INSYN2A: variants seen among roughly 807,000 people sequenced by gnomAD.
INSYN2A encodes the protein inhibitory synaptic factor 2A.
A neutral mutation model predicts 39.4 loss-of-function variants in INSYN2A; 17 were observed. That is an observed-to-expected ratio of 0.43 (90% CI 0.30 to 0.65). The LOEUF (loss-of-function observed/expected upper bound fraction) is 0.65. Ranked by LOEUF, INSYN2A falls within the 30% of genes least tolerant of loss-of-function variation. The probability of loss-of-function intolerance (pLI) is 0.14; values close to 1 mark genes in which losing one functional copy is unlikely to be tolerated. For synonymous variants in INSYN2A, 255 were observed against 265.7 expected (o/e 0.96, Z 0.39); for missense variants, 595 against 631.2 (o/e 0.94, Z 0.61).
In INSYN2A at chr10:127,176,187, C is replaced by G. The variant is rs375404920; in HGVS notation, c.209G>C (p.Gly70Ala). The G allele has an allele frequency of 2.5e-6, 4 of 1,614,154 alleles. No homozygotes were observed. The highest frequency in any genetic ancestry group is 3.4e-6 in the Non-Finnish European group (4 of 1,180,032). Residue 70 changes from glycine (G) to alanine (A), a missense_variant, in exon 4 of 6, where the codon GGG (glycine) becomes GCG (alanine). Around this residue, in one of 2 missense-constraint regions of INSYN2A, gnomAD observed 478 missense variants for 467.4 expected, o/e 1.02. Coordinates refer to ENST00000522781, the MANE Select transcript of INSYN2A (RefSeq NM_001039762.3). The surrounding 1 kb of genome is among the most constrained non-coding windows in gnomAD (Gnocchi z 4.4). The part of the protein sequence containing the change: ...RDTQLSSGQL[G>A]EKREAKPVSC... ...CACGGGCTTGGCCTCCCGCTTCTCC[C>G]CCAGCTGGCCCGAGGACAGCTGTGT...
intron 2 of INSYN2A, among the ~76,000 whole-genome samples, chr10:127,191,238 T>C (rs1299983245): frequency 6.6e-6 from 1 of 152,136 alleles, no homozygotes; most frequent in East Asian, 1.9e-4. Flanking sequence ...CCTGGGAGTC[T>C]TTAGGCTCCT....
chr10:127,166,326 A>G (rs752459860), intron 4 of INSYN2A, among the ~76,000 whole-genome samples: 1 of 151,924 alleles, frequency 6.6e-6, no homozygotes, highest in Non-Finnish European at 1.5e-5. Context: ...CGGCCTCCCA[A>G]AGTGCTGGGA....
intron 5 of INSYN2A, among the ~76,000 whole-genome samples, chr10:127,142,529 C>G (rs1186353980): frequency 1.3e-5 from 2 of 152,178 alleles, no homozygotes; most frequent in Non-Finnish European, 2.9e-5. Flanking sequence ...TCTGAAGCAG[C>G]TGGAGCCAGG....
chr10:127,137,863 C>T lies in INSYN2A; in HGVS notation c.1414G>A (p.Gly472Arg), dbSNP rs751747001. Residue 472 changes from glycine to arginine, a missense_variant, in exon 6 of 6, where the codon GGA (glycine) becomes AGA (arginine). Physicochemically the swap from Gly to Arg is moderately radical, Grantham distance 125. Around this residue, in one of 2 missense-constraint regions of INSYN2A, gnomAD observed 117 missense variants for 163.8 expected, o/e 0.71. Coordinates refer to ENST00000522781, the MANE Select transcript of INSYN2A (RefSeq NM_001039762.3). ...TAAAGGAACCAGAGTTTCCATCTTC[C>T]GTGCTTTTTAGATTCAGTTTTGGAT... ...QKSKTESKKH[G>R]RWKLWFL 26 of 1,613,878 alleles carry T rather than the reference C, an allele frequency of 1.6e-5. No individual in the cohort carries two copies. Among genetic ancestry groups the T allele is most frequent in the African/African-American group, 6.7e-5 (5 of 74,900 alleles).
At chr10:127,154,459 C>T (rs755423284) in intron 4 of INSYN2A, among the ~76,000 whole-genome samples, 3 of 152,226 alleles carry the variant, frequency 2.0e-5, no homozygotes, top group East Asian at 1.9e-4. Flanking sequence ...GGAAATGATC[C>T]GAAATTCAAA....
chr10:127,175,516 G>A lies in INSYN2A; in HGVS notation c.880C>T (p.Leu294Phe). ...TCCGAGGGCGCCTGGAGCCCGTTGAGATGTGTGGCTCTCCTCCGCTCGTCA... is the reference window on the plus strand; with the variant it reads ...TCCGAGGGCGCCTGGAGCCCGTTGAAATGTGTGGCTCTCCTCCGCTCGTCA... ...ADDERRRATH[L>F]NGLQAPSETA... The change falls in exon 4 of 6, where the codon CTC becomes TTC. Residue 294 changes from leucine to phenylalanine, a missense_variant. Physicochemically the swap from Leu to Phe is conservative, Grantham distance 22. Transcript: ENST00000522781. This position sits in a 1 kb window ranked among gnomAD's most constrained non-coding sequence, Gnocchi z 6.3. The A allele has an allele frequency of 6.2e-7, 1 of 1,609,494 alleles. No individual in the cohort carries two copies. The highest frequency in any genetic ancestry group is 8.5e-7 in the Non-Finnish European group (1 of 1,180,018).
intron 5 of INSYN2A, among the ~76,000 whole-genome samples, chr10:127,148,353 TGAC>T (rs1009074525): frequency 1.1e-4 from 17 of 152,222 alleles, no homozygotes; most frequent in Non-Finnish European, 1.8e-4. Context: ...TTCTACCACT[TGAC>T]GAGAAGATTC....
intron 4 of INSYN2A, among the ~76,000 whole-genome samples, chr10:127,168,230 C>T (rs1486215105): frequency 3.3e-5 from 5 of 152,170 alleles, no homozygotes; most frequent in Non-Finnish European, 7.3e-5. Flanking sequence ...GCATGGGAGG[C>T]TGACCTCAGC....
In INSYN2A at chr10:127,179,362, C is replaced by T. The variant is rs1051191481; in HGVS notation, c.-268-2223G>A. 7.2e-5 allele frequency among the ~76,000 whole-genome samples: 11 copies of T among 152,092 alleles called. No individual in the cohort carries two copies. The South Asian group carries it at 1.0e-3, about 14-fold the overall frequency. ...GGTTGCTGGTACATAAAAATCATTT[C>T]GTTGTTAGTAAAAAAATGATGGTAA... On this transcript the variant is annotated intron_variant, in intron 2 of 5. Coordinates refer to ENST00000522781, the MANE Select transcript of INSYN2A (RefSeq NM_001039762.3).
At chr10:127,191,172 C>A (rs1350060780) in intron 2 of INSYN2A, among the ~76,000 whole-genome samples, 3 of 152,152 alleles carry the variant, frequency 2.0e-5, no homozygotes, top group Admixed American at 6.5e-5. Flanking sequence ...TCAAGCATCA[C>A]CCACGAAGTG....
At chr10:127,142,352 C>T (rs2051346108) in intron 5 of INSYN2A, among the ~76,000 whole-genome samples, 1 of 152,172 alleles carries the variant, frequency 6.6e-6, no homozygotes, top group African/African-American at 2.4e-5. Context: ...CACTCTCCAG[C>T]AGCTCAGGAG....
intron 5 of INSYN2A, among the ~76,000 whole-genome samples, chr10:127,151,042 T>A (rs1359709395): frequency 6.6e-6 from 1 of 152,206 alleles, no homozygotes; most frequent in Admixed American, 6.5e-5. Flanking sequence ...TTTTTTATGA[T>A]TTCCCCATTG....
At chr10:127,151,895 T>C (rs1301481720) in intron 5 of INSYN2A, among the ~76,000 whole-genome samples, 2 of 152,230 alleles carry the variant, frequency 1.3e-5, no homozygotes, top group Non-Finnish European at 2.9e-5. Flanking sequence ...AAAGGACAGA[T>C]TTCTGTCCTT....
chr10:127,139,720 C>T (rs2051040950), intron 5 of INSYN2A, among the ~76,000 whole-genome samples: 1 of 152,164 alleles, frequency 6.6e-6, no homozygotes, highest in Non-Finnish European at 1.5e-5. Flanking sequence ...GAGTCGGGGG[C>T]TCCTTAAACT....
At chr10:127,179,963 G>C (rs185745127) in intron 2 of INSYN2A, among the ~76,000 whole-genome samples, 2 of 152,312 alleles carry the variant, frequency 1.3e-5, no homozygotes, top group Admixed American at 1.3e-4. Context: ...TCATACTGCA[G>C]ATTGAGAAAC....
chr10:127,193,715 C>T (rs748825552), intron 1 of INSYN2A, among the ~76,000 whole-genome samples: 1 of 152,176 alleles, frequency 6.6e-6, no homozygotes, highest in Admixed American at 6.5e-5. Flanking sequence ...ATGCCTTTCA[C>T]GTACAAGTCT....
chr10:127,148,312 G>T (rs946121537), intron 5 of INSYN2A, among the ~76,000 whole-genome samples: 8 of 152,314 alleles, frequency 5.3e-5, no homozygotes, highest in Admixed American at 3.3e-4. Flanking sequence ...GGAGGATGTG[G>T]TCACTCAGGG....
At chr10:127,164,828 T>G (rs926777857) in intron 4 of INSYN2A, among the ~76,000 whole-genome samples, 2 of 152,224 alleles carry the variant, frequency 1.3e-5, no homozygotes, top group African/African-American at 4.8e-5. Context: ...CTTCCTTCAT[T>G]CATGCAGTCA....
rs1411695943 is a variant in INSYN2A at position 127,176,219 on chromosome 10, C to G, written c.177G>C (p.Gln59His). The G allele has an allele frequency of 1.2e-6, 2 of 1,614,168 alleles. No individual in the cohort carries two copies. Among genetic ancestry groups the G allele is most frequent in the East Asian group, 2.2e-5 (1 of 44,862 alleles). Reference sequence around the variant, plus strand: ...GGCCCGAGGACAGCTGTGTGTCCCTCTGCTCATTCTGTGCCTCGCAGATAT... The same window carrying G: ...GGCCCGAGGACAGCTGTGTGTCCCTGTGCTCATTCTGTGCCTCGCAGATAT... ...FKDICEAQNEQRDTQLSSGQL... is the reference protein window; with the variant it reads ...FKDICEAQNEHRDTQLSSGQL... The change falls in exon 4 of 6, where the codon CAG (glutamine) becomes CAC (histidine). Residue 59 changes from glutamine (Q) to histidine (H), a missense_variant. Around this residue, in one of 2 missense-constraint regions of INSYN2A, gnomAD observed 478 missense variants for 467.4 expected, o/e 1.02. Coordinates refer to ENST00000522781, the MANE Select transcript of INSYN2A (RefSeq NM_001039762.3). The surrounding 1 kb of genome is among the most constrained non-coding windows in gnomAD (Gnocchi z 4.4).
Sources: allele counts gnomAD v4.1 joint callset (sites outside exome capture counted in the v4.1 genomes callset), GRCh38; gene constraint gnomAD v4.1.1; regional missense constraint gnomAD v4.1.1; non-coding constraint Gnocchi (gnomAD v3.1); transcripts MANE v1.5; gene names NCBI Gene and HGNC (gene_info 2026-07-23, HGNC 2026-07-21).